The following CNTNAP4 variants were observed in gnomAD, a reference collection of about 807,000 sequenced individuals.
CNTNAP4 encodes the protein contactin-associated protein-like 4.
CNTNAP4 carries 98 observed loss-of-function variants against 148.4 expected under a neutral mutation model. The observed-to-expected ratio is 0.66, with a 90% CI of 0.56 to 0.78. CNTNAP4 has a LOEUF of 0.78. Ranked by LOEUF, CNTNAP4 falls within the 30% of genes least tolerant of loss-of-function variation. The probability of loss-of-function intolerance (pLI) is 0.00; values close to 1 mark genes in which losing one functional copy is unlikely to be tolerated. For missense variants in CNTNAP4, 1,935 were observed against 1,565.6 expected, an observed-to-expected ratio of 1.24 and a Z score of -3.98; for synonymous variants, 730 against 565.1, an observed-to-expected ratio of 1.29 and a Z score of -4.14.
intron 1 of CNTNAP4, among the ~76,000 whole-genome samples, chr16:76,289,136 C>T (rs1959009206): frequency 6.6e-6 from 1 of 151,978 alleles, no homozygotes; most frequent in Non-Finnish European, 1.5e-5. Flanking sequence ...GGATTGAGGA[C>T]TCTCAATAGA....
intron 17 of CNTNAP4, among the ~76,000 whole-genome samples, chr16:76,532,739 C>T (rs1301075042): frequency 6.6e-6 from 1 of 152,048 alleles, no homozygotes; most frequent in Non-Finnish European, 1.5e-5. Context: ...TGGACCTTAC[C>T]CAGGGAAGAA....
At chr16:76,549,843 G>T (rs1202706001) in intron 21 of CNTNAP4, among the ~76,000 whole-genome samples, 1 of 152,132 alleles carries the variant, frequency 6.6e-6, no homozygotes, top group Admixed American at 6.5e-5. Context: ...GAGACCTAAT[G>T]TGAAAAATTG....
chr16:76,474,627 A>G (rs1209494479), intron 10 of CNTNAP4, among the ~76,000 whole-genome samples: 1 of 151,780 alleles, frequency 6.6e-6, no homozygotes, highest in Non-Finnish European at 1.5e-5. Flanking sequence ...ATCTGTAATG[A>G]ATGAGGGCAT....
intron 3 of CNTNAP4, among the ~76,000 whole-genome samples, chr16:76,385,814 A>G (rs531394016): frequency 2.3e-4 from 35 of 152,272 alleles, no homozygotes; most frequent in African/African-American, 8.2e-4. Context: ...CAACAGCACT[A>G]TAACTCATGA....
Position 76,489,774 on chromosome 16 carries a change from C to T in CNTNAP4, c.1971C>T (p.Phe657=), listed in dbSNP as rs746890836. The part of the protein sequence containing the change: ...TNPENPYAGF[F]EYVASMEQLQ... Reference sequence around the variant, plus strand: ...CAGAGAACCCATATGCTGGGTTTTTCGAGTATGTGGCCAGCATGGAGCAAC... The same window carrying T: ...CAGAGAACCCATATGCTGGGTTTTTTGAGTATGTGGCCAGCATGGAGCAAC... The change falls in exon 13 of 24, where the codon TTC becomes TTT. Residue 657 remains phenylalanine, a synonymous_variant. Transcript: ENST00000611870. 41 of 1,604,522 alleles carry T rather than the reference C, an allele frequency of 2.6e-5. No homozygotes were observed. The highest frequency in any genetic ancestry group is 3.3e-4 in the Middle Eastern group (2 of 6,054).
intron 1 of CNTNAP4, among the ~76,000 whole-genome samples, chr16:76,312,633 C>T (rs1033716664): frequency 6.6e-6 from 1 of 152,084 alleles, no homozygotes. Flanking sequence ...AGAATTTGTT[C>T]ATGCTATTAT....
chr16:76,455,805 T>C (rs2080706906), intron 8 of CNTNAP4, among the ~76,000 whole-genome samples: 5 of 152,202 alleles, frequency 3.3e-5, no homozygotes, highest in Admixed American at 3.3e-4. Context: ...CAGGCTAATT[T>C]TTTTTCTTAT....
At chr16:76,496,304 A>G (rs1017748239) in intron 14 of CNTNAP4, among the ~76,000 whole-genome samples, 1 of 152,094 alleles carries the variant, frequency 6.6e-6, no homozygotes, top group African/African-American at 2.4e-5. Flanking sequence ...GCTAGTAGTA[A>G]TGCTTAGCAA....
chr16:76,439,018 T>C (rs2079939225), intron 4 of CNTNAP4, among the ~76,000 whole-genome samples: 1 of 152,158 alleles, frequency 6.6e-6, no homozygotes, highest in Admixed American at 6.5e-5. Flanking sequence ...ATTGTACATA[T>C]TTACCAACTT....
At chr16:76,551,504 C>G (rs961463740) in intron 21 of CNTNAP4, among the ~76,000 whole-genome samples, 2 of 151,850 alleles carry the variant, frequency 1.3e-5, no homozygotes, top group African/African-American at 4.8e-5. Context: ...AAAGCCACTA[C>G]AGAGACTGAA....
At chr16:76,384,357 T>C (rs1418029189) in intron 3 of CNTNAP4, among the ~76,000 whole-genome samples, 3 of 152,070 alleles carry the variant, frequency 2.0e-5, no homozygotes, top group South Asian at 2.1e-4. Context: ...CCCAGTCTTA[T>C]ACAATACAAC....
chr16:76,499,920 T>C (rs1179311031), intron 15 of CNTNAP4, among the ~76,000 whole-genome samples: 1 of 152,152 alleles, frequency 6.6e-6, no homozygotes, highest in African/African-American at 2.4e-5. Flanking sequence ...AGAATTTTTC[T>C]TAGTACAGAA....
chr16:76,355,236 C>A, intron 2 of CNTNAP4, 82 bp from the exon 3 acceptor site: 4 of 1,019,974 alleles, frequency 3.9e-6, no homozygotes, highest in South Asian at 2.0e-5. Flanking sequence ...GGAATACAGT[C>A]GTACTGGCAT....
chr16:76,338,759 A>G (rs1412111966), intron 2 of CNTNAP4, among the ~76,000 whole-genome samples: 1 of 152,318 alleles, frequency 6.6e-6, no homozygotes, highest in East Asian at 1.9e-4. Context: ...AGATCTTTGT[A>G]ACCTTTCATA....
At chr16:76,544,014 A>T (rs934875895) in intron 21 of CNTNAP4, among the ~76,000 whole-genome samples, 1 of 152,212 alleles carries the variant, frequency 6.6e-6, no homozygotes, top group African/African-American at 2.4e-5. Flanking sequence ...ATCTGCCCTT[A>T]CAGAGCTTAT....
Position 76,467,473 on chromosome 16 carries a change from C to T in CNTNAP4, c.1605C>T (p.Ser535=). 6.2e-7 allele frequency: 1 copy of T among 1,613,682 alleles called. No homozygotes were observed. Among genetic ancestry groups the T allele is most frequent in the East Asian group, 2.2e-5 (1 of 44,840 alleles). The change falls in exon 10 of 24, where the codon TCC becomes TCT. Residue 535 remains serine (S), a synonymous_variant. Transcript: ENST00000611870. The stretch of plus-strand genomic sequence containing the variant: ...ATCTGATTTCAGTTCAGCAGGGGTC[C>T]CTTGGGAACTTCAGTGACCTTCAGA... ...VVDLISVQQG[S]LGNFSDLQID...
At chr16:76,423,218 T>C (rs2079254942) in intron 3 of CNTNAP4, among the ~76,000 whole-genome samples, 1 of 152,144 alleles carries the variant, frequency 6.6e-6, no homozygotes, top group Non-Finnish European at 1.5e-5. Flanking sequence ...TGAGACCTTC[T>C]AAAATATTTT....
chr16:76,379,063 C>T (rs1284877992), intron 3 of CNTNAP4, among the ~76,000 whole-genome samples: 1 of 152,140 alleles, frequency 6.6e-6, no homozygotes, highest in African/African-American at 2.4e-5. Context: ...GTTCATGTGA[C>T]CTTTAGGGTT....
intron 3 of CNTNAP4, among the ~76,000 whole-genome samples, chr16:76,358,725 A>T (rs1404991616): frequency 6.6e-6 from 1 of 152,250 alleles, no homozygotes; most frequent in Admixed American, 6.5e-5. Context: ...GTTGACAGAT[A>T]ACTTTAAATG....
Sources: gnomAD v4.1 joint callset for allele counts (sites outside exome capture counted in the v4.1 genomes callset) on GRCh38, gnomAD v4.1.1 for gene constraint, MANE v1.5 for transcripts, NCBI Gene and HGNC (gene_info 2026-07-23, HGNC 2026-07-21) for gene names.